The following SGCZ variants were observed in gnomAD, a reference collection of about 807,000 sequenced individuals.
SGCZ encodes zeta-sarcoglycan.
In SGCZ, 40 loss-of-function variants were observed where a neutral mutation model predicts 41.3. That is an observed-to-expected ratio of 0.97 (90% CI 0.75 to 1.26). SGCZ has a LOEUF of 1.26. SGCZ is among the 50% of genes most tolerant of loss of function. The pLI is 0.00. For synonymous variants in SGCZ, 206 were observed against 137.5 expected, an observed-to-expected ratio of 1.50 and a Z score of -3.49; for missense variants, 552 against 369.8, an observed-to-expected ratio of 1.49 and a Z score of -4.04.
intron 1 of SGCZ, among the ~76,000 whole-genome samples, chr8:15,026,438 C>G (rs1045564529): frequency 4.6e-5 from 7 of 152,064 alleles, no homozygotes; most frequent in South Asian, 2.1e-4. Flanking sequence ...AAAAAGAAAA[C>G]AAATCACAGA....
chr8:14,181,124 G>C (rs773731916), intron 4 of SGCZ, among the ~76,000 whole-genome samples: 2 of 152,044 alleles, frequency 1.3e-5, no homozygotes, highest in Non-Finnish European at 2.9e-5. Context: ...TCCCTAATAG[G>C]GCCAACGGGA....
chr8:15,147,169 T>C (rs772335932), intron 1 of SGCZ, among the ~76,000 whole-genome samples: 1 of 152,188 alleles, frequency 6.6e-6, no homozygotes, highest in Non-Finnish European at 1.5e-5. Flanking sequence ...CTGGAAAACC[T>C]GCATCATCTA....
intron 2 of SGCZ, among the ~76,000 whole-genome samples, chr8:14,544,377 T>C (rs1489450683): frequency 1.3e-5 from 2 of 152,002 alleles, no homozygotes; most frequent in Non-Finnish European, 1.5e-5. Context: ...AACAGAATAA[T>C]AGCGATTTTT....
At chr8:14,877,158 G>C (rs931290590) in intron 1 of SGCZ, among the ~76,000 whole-genome samples, 2 of 151,972 alleles carry the variant, frequency 1.3e-5, no homozygotes, top group Non-Finnish European at 2.9e-5. Flanking sequence ...TATTTTAGTA[G>C]AGACAGGGCT....
At position 14,217,249 on chromosome 8, in the gene SGCZ, T is replaced by C. The variant is rs557870168; in HGVS notation, c.424+20343A>G. ...AGGCAGAGGTTGCAGTGAGCCGAGA[T>C]TGCACCACTGCACTCCAGCCTGGGG... On this transcript the variant is annotated intron_variant, in intron 4 of 7. Coordinates refer to ENST00000382080, the MANE Select transcript of SGCZ (RefSeq NM_139167.4). Among the ~76,000 whole-genome samples, 7 of 136,892 alleles carry C rather than the reference T, an allele frequency of 5.1e-5. No individual in the cohort carries two copies. In the South Asian group the frequency reaches 1.1e-3, roughly 22 times the overall value. The allele number at this position is 136,892 out of a possible 152,430, so 89.8% of individuals were successfully genotyped here.
At chr8:14,942,134 T>C (rs1014910433) in intron 1 of SGCZ, among the ~76,000 whole-genome samples, 4 of 152,004 alleles carry the variant, frequency 2.6e-5, no homozygotes, top group African/African-American at 9.7e-5. Context: ...CTAGTATGCA[T>C]TGTCTGGGTC....
intron 1 of SGCZ, among the ~76,000 whole-genome samples, chr8:15,083,760 TTTGTC>T (rs1172889406): frequency 1.3e-5 from 2 of 151,870 alleles, no homozygotes; most frequent in African/African-American, 2.4e-5. Context: ...TTGTTGTTGT[TTTGTC>T]TTGTTTTGTT....
At chr8:14,161,684 G>C (rs1804049899) in intron 5 of SGCZ, among the ~76,000 whole-genome samples, 1 of 152,100 alleles carries the variant, frequency 6.6e-6, no homozygotes. Context: ...AAGATCATCT[G>C]AAAGTATATG....
At chr8:14,515,595 A>T (rs959184624) in intron 2 of SGCZ, among the ~76,000 whole-genome samples, 4 of 152,110 alleles carry the variant, frequency 2.6e-5, no homozygotes, top group African/African-American at 9.7e-5. Flanking sequence ...TAACTATTTG[A>T]AATGTAAAGC....
chr8:14,142,213 T>G (rs1488782267), intron 5 of SGCZ, among the ~76,000 whole-genome samples: 1 of 152,018 alleles, frequency 6.6e-6, no homozygotes, highest in Non-Finnish European at 1.5e-5. Context: ...AAGTGCCTAA[T>G]GTAAATGACG....
chr8:14,134,402 A>G (rs1803131969), intron 5 of SGCZ, among the ~76,000 whole-genome samples: 1 of 152,220 alleles, frequency 6.6e-6, no homozygotes. Context: ...ATTCTATACT[A>G]TGAAGGCTAA....
intron 1 of SGCZ, among the ~76,000 whole-genome samples, chr8:15,128,461 C>T (rs894021120): frequency 6.6e-6 from 1 of 152,216 alleles, no homozygotes; most frequent in Non-Finnish European, 1.5e-5. Flanking sequence ...GCCTGCCTGG[C>T]TGAGCTCAGC....
intron 1 of SGCZ, among the ~76,000 whole-genome samples, chr8:15,066,099 G>C (rs984997229): frequency 6.6e-6 from 1 of 151,828 alleles, no homozygotes; most frequent in Non-Finnish European, 1.5e-5. Flanking sequence ...ATGAGGTCAG[G>C]AGATCGAGAC....
At chr8:14,922,666 A>G (rs1418283862) in intron 1 of SGCZ, among the ~76,000 whole-genome samples, 2 of 152,196 alleles carry the variant, frequency 1.3e-5, no homozygotes, top group Admixed American at 1.3e-4. Context: ...TACAAATGAA[A>G]TAGTTTGGGG....
chr8:14,806,567 T>C (rs1373777537), intron 1 of SGCZ, among the ~76,000 whole-genome samples: 1 of 152,016 alleles, frequency 6.6e-6, no homozygotes, highest in South Asian at 2.1e-4. Flanking sequence ...AATAACAGAA[T>C]CTGAAAATGT....
intron 4 of SGCZ, among the ~76,000 whole-genome samples, chr8:14,185,753 G>A (rs1904078): frequency 6.6e-6 from 1 of 151,882 alleles, no homozygotes; most frequent in Admixed American, 6.6e-5. Context: ...ATGTCCTGGA[G>A]CTCACAGTAA....
chr8:15,130,993 T>A (rs1807876745), intron 1 of SGCZ, among the ~76,000 whole-genome samples: 1 of 152,196 alleles, frequency 6.6e-6, no homozygotes, highest in Non-Finnish European at 1.5e-5. Context: ...CTCAGCAGCC[T>A]GTAGTTTCAA....
chr8:14,890,535 C>G (rs1209409578), intron 1 of SGCZ, among the ~76,000 whole-genome samples: 1 of 152,130 alleles, frequency 6.6e-6, no homozygotes, highest in African/African-American at 2.4e-5. Flanking sequence ...AAGTTTGAAG[C>G]TAGAATAAGT....
intron 1 of SGCZ, among the ~76,000 whole-genome samples, chr8:14,733,847 G>T (rs761489962): frequency 2.2e-4 from 34 of 152,144 alleles, no homozygotes; most frequent in Admixed American, 1.3e-4. Context: ...GCAATTTTAA[G>T]GCTTTGAAAC....
Sources: gnomAD v4.1 joint callset for allele counts (sites outside exome capture counted in the v4.1 genomes callset) on GRCh38, gnomAD v4.1.1 for gene constraint, MANE v1.5 for transcripts, NCBI Gene and HGNC (gene_info 2026-07-23, HGNC 2026-07-21) for gene names.